Variants in LIPJ observed in about 807,000 individuals in gnomAD.
The protein encoded by LIPJ is lipase family member J.
In LIPJ, 33 loss-of-function variants were observed where a neutral mutation model predicts 39.8. The observed-to-expected ratio is 0.83, with a 90% CI of 0.63 to 1.11. The LOEUF is 1.11. Among genes scored for constraint, LIPJ ranks in the 50% least tolerant of loss-of-function variants. LIPJ has a pLI of 0.00. For missense variants in LIPJ, 422 were observed against 427.9 expected, an observed-to-expected ratio of 0.99 and a Z score of 0.12; for synonymous variants, 128 against 139.2, an observed-to-expected ratio of 0.92 and a Z score of 0.57.
At chr10:88,586,576 A>G (rs759212898), upstream of LIPJ, among the ~76,000 whole-genome samples, 18 of 152,172 alleles carry the variant, frequency 1.2e-4, no homozygotes, top group Admixed American at 2.6e-4. Flanking sequence ...AGTCCATTAA[A>G]TGATGGAAAA....
Position 88,596,128 on chromosome 10 carries a change from G to T in LIPJ, c.440-152G>T. On this transcript the variant is annotated intron_variant, in intron 6 of 10. Transcript: ENST00000371939. ...TGATCAATATAATGTTGTATACTAG[G>T]TGATTTAAAAATGTTTGATAAATGA... 8.2e-6 allele frequency: 4 copies of T among 490,266 alleles called. No individual in the cohort carries two copies. The South Asian group carries it at 2.2e-4, about 28-fold the overall frequency. The allele number at this position is 490,266 out of a possible 1,614,324, so 30.4% of individuals were successfully genotyped here.
At chr10:88,594,247 G>C (rs955262731) in intron 5 of LIPJ, 103 bp downstream of exon 5, 1 of 818,792 alleles carries the variant, frequency 1.2e-6, no homozygotes, top group Non-Finnish European at 1.9e-6. Flanking sequence ...TCACAATTTA[G>C]GACTTTCCAT....
exon 4 of LIPJ, chr10:88,591,420 G>A: frequency 6.2e-7 from 1 of 1,603,722 alleles, no homozygotes; most frequent in Non-Finnish European, 8.5e-7. Context: ...TGAAGAATAT[G>A]ATATTGTAAC....
At chr10:88,614,715 G>T in the LIPJ span, among the ~76,000 whole-genome samples, 2 of 152,002 alleles carry the variant, frequency 1.3e-5, 1 homozygote, top group Admixed American at 1.3e-4. Flanking sequence ...ATATAGAATT[G>T]CTAGTGGTAA....
upstream of LIPJ, chr10:88,583,235 C>T (rs762060634): frequency 4.4e-6 from 7 of 1,607,402 alleles, no homozygotes; most frequent in Admixed American, 8.4e-5. Context: ...GCGGCGGGGC[C>T]GTTCGGCCCG....
Position 88,606,433 on chromosome 10 carries a change from G to A in LIPJ, c.868-241G>A, listed in dbSNP as rs112459573. Among the ~76,000 whole-genome samples, 215 of 152,144 alleles carry A rather than the reference G, an allele frequency of 1.4e-3. 1 individual carries two copies. The highest frequency in any genetic ancestry group is 4.9e-3 in the African/African-American group (203 of 41,536). ...CTGAAATTACCTCTGTGAAATGTTC[G>A]AATATTTTGAATTAGAACAAACTGT... On this transcript the variant is annotated intron_variant, in intron 10 of 10. Transcript: ENST00000371939.
At chr10:88,599,669 TTA>T (rs774149410) in intron 8 of LIPJ, among the ~76,000 whole-genome samples, 55 of 149,712 alleles carry the variant, frequency 3.7e-4, no homozygotes, top group Admixed American at 3.5e-3. Context: ...ACACATACAT[TTA>T]TATATACATA....
At chr10:88,597,468 T>C (rs1851296517) in intron 8 of LIPJ, among the ~76,000 whole-genome samples, 1 of 151,966 alleles carries the variant, frequency 6.6e-6, no homozygotes, top group African/African-American at 2.4e-5. Context: ...CTTAAGAATA[T>C]AGGCATTCAT....
upstream of LIPJ, among the ~76,000 whole-genome samples, chr10:88,586,544 A>C (rs1219074778): frequency 1.3e-5 from 2 of 152,196 alleles, no homozygotes; most frequent in Admixed American, 6.5e-5. Flanking sequence ...CTTGACCTAA[A>C]ATAGCCACCC....
intron 7 of LIPJ, among the ~76,000 whole-genome samples, 164 bp from the exon 8 acceptor site, chr10:88,596,626 G>A (rs1435582462): frequency 2.6e-5 from 4 of 151,564 alleles, no homozygotes; most frequent in African/African-American, 9.7e-5. Context: ...AAATTCAGTG[G>A]CCAAACCATC....
chr10:88,605,742 C>A, intron 10 of LIPJ, 38 bp downstream of exon 10: 1 of 1,336,620 alleles, frequency 7.5e-7, no homozygotes, highest in Non-Finnish European at 1.1e-6. Flanking sequence ...ACCTTACTGA[C>A]TTTTTCAGAT....
chr10:88,619,720 G>C, the LIPJ span, among the ~76,000 whole-genome samples: 1 of 151,588 alleles, frequency 6.6e-6, no homozygotes, highest in Non-Finnish European at 1.5e-5. Flanking sequence ...AATAAACTTT[G>C]ACACATACAT....
At chr10:88,616,162 C>T in the LIPJ span, among the ~76,000 whole-genome samples, 1 of 152,202 alleles carries the variant, frequency 6.6e-6, no homozygotes, top group African/African-American at 2.4e-5. Context: ...CTAATGCATA[C>T]AAAAACATAG....
At chr10:88,583,100 C>G, upstream of LIPJ, 1 of 1,614,056 alleles carries the variant, frequency 6.2e-7, no homozygotes, top group Middle Eastern at 1.6e-4. Flanking sequence ...TCCCACACAG[C>G]AAGGTACAAG....
At chr10:88,619,428 A>G in the LIPJ span, among the ~76,000 whole-genome samples, 1 of 106,110 alleles carries the variant, frequency 9.4e-6, no homozygotes, top group Non-Finnish European at 1.9e-5. Context: ...ATTGATGTTT[A>G]TGCAGTAGAA....
chr10:88,605,606 TG>T, intron 9 of LIPJ, 26 bp from the exon 10 acceptor site: 1 of 1,507,616 alleles, frequency 6.6e-7, no homozygotes, highest in Non-Finnish European at 9.2e-7. Flanking sequence ...ACAAATGATA[TG>T]GTCTTATTTT....
intron 8 of LIPJ, among the ~76,000 whole-genome samples, chr10:88,600,531 AT>A (rs750476827): frequency 6.6e-6 from 1 of 152,230 alleles, no homozygotes; most frequent in Non-Finnish European, 1.5e-5. Flanking sequence ...AAAATATTTT[AT>A]TTAGCATATT....
Position 88,601,685 on chromosome 10 carries a change from C to T in LIPJ, c.724-891C>T, listed in dbSNP as rs72822103. ...GTGGTTGCTTTACAATTTCTGTAAA[C>T]CTGAATAATTTTTTATAGTCTGCAT... On this transcript the variant is annotated intron_variant, in intron 8 of 10. Coordinates refer to ENST00000371939, the Ensembl canonical transcript of LIPJ. Among the ~76,000 whole-genome samples, 597 of 152,182 alleles carry T rather than the reference C, an allele frequency of 3.9e-3. 3 individuals are homozygous for T. Among genetic ancestry groups the T allele is most frequent in the Non-Finnish European group, 6.8e-3 (463 of 68,000 alleles).
At chr10:88,596,845 G>C (rs749629189) in exon 8 of LIPJ, 1 of 1,600,330 alleles carries the variant, frequency 6.2e-7, no homozygotes, top group Admixed American at 1.7e-5. Flanking sequence ...AAATTCATTG[G>C]TTCAAAGCTG....
Sources: gnomAD v4.1 joint callset for allele counts (sites outside exome capture counted in the v4.1 genomes callset) on GRCh38, gnomAD v4.1.1 for gene constraint, MANE v1.5 for transcripts, NCBI Gene and HGNC (gene_info 2026-07-23, HGNC 2026-07-21) for gene names.